PRELID2: variants seen among roughly 807,000 people sequenced by gnomAD.
The protein encoded by PRELID2 is PRELI domain-containing protein 2.
Under a neutral mutation model 28.4 loss-of-function variants are expected in PRELID2, and 25 were observed. The observed-to-expected ratio is 0.88, with a 90% CI of 0.64 to 1.23. The LOEUF (loss-of-function observed/expected upper bound fraction) is 1.23, where lower values mean the gene tolerates loss of function less well. PRELID2 is among the 50% of genes most tolerant of loss of function. PRELID2 has a pLI of 0.00. For synonymous variants in PRELID2, 76 were observed against 71.6 expected (o/e 1.06, Z -0.31); for missense variants, 201 against 214.4 (o/e 0.94, Z 0.39).
chr5:145,620,943 T>G (rs1753766218), intron 1 of PRELID2, among the ~76,000 whole-genome samples: 1 of 152,174 alleles, frequency 6.6e-6, no homozygotes, highest in South Asian at 2.1e-4. Context: ...AGAAGACATC[T>G]GAATAACATC....
At chr5:145,701,113 G>T (rs142085593) in intron 1 of PRELID2, among the ~76,000 whole-genome samples, 1 of 152,176 alleles carries the variant, frequency 6.6e-6, no homozygotes, top group Non-Finnish European at 1.5e-5. Context: ...AGAGAGAAGA[G>T]TACTTTTTGA....
chr5:145,820,379 G>A (rs1754694889), intron 2 of PRELID2, among the ~76,000 whole-genome samples: 1 of 152,140 alleles, frequency 6.6e-6, no homozygotes. Context: ...CAGTAACTCA[G>A]AATGCACACT....
intron 1 of PRELID2, among the ~76,000 whole-genome samples, chr5:145,690,755 T>C (rs1044119416): frequency 3.3e-5 from 5 of 152,154 alleles, no homozygotes; most frequent in South Asian, 2.1e-4. Flanking sequence ...CAAAAAGATA[T>C]AGCCCCTGTT....
At position 145,629,867 on chromosome 5, in the gene PRELID2, T is replaced by C. The variant is rs114554802; in HGVS notation, n.70+135064A>G. 3.5e-3 allele frequency among the ~76,000 whole-genome samples: 528 copies of C among 151,008 alleles called. 1 individual carries two copies. The highest frequency in any genetic ancestry group is 0.027 in the Middle Eastern group (8 of 294). On this transcript the variant is annotated intron_variant and non_coding_transcript_variant, in intron 1 of 2. Transcript: ENST00000510259. The stretch of plus-strand genomic sequence containing the variant: ...CTTTGAAATGAAAACCCCTATGAAC[T>C]ATAGGTATTGTCTGGAAAACACAGC...
chr5:145,249,949 C>G, the PRELID2 span, among the ~76,000 whole-genome samples: 1 of 150,524 alleles, frequency 6.6e-6, no homozygotes, highest in Middle Eastern at 3.4e-3. Flanking sequence ...CTCTCTCTCT[C>G]TCTCTCTCTC....
At chr5:145,491,019 T>C (rs1005513502) in intron 1 of PRELID2, among the ~76,000 whole-genome samples, 1 of 151,986 alleles carries the variant, frequency 6.6e-6, no homozygotes, top group African/African-American at 2.4e-5. Context: ...CTGTATCTCC[T>C]ATATTTTGAA....
At chr5:145,270,753 A>G in the PRELID2 span, among the ~76,000 whole-genome samples, 4 of 152,158 alleles carry the variant, frequency 2.6e-5, no homozygotes, top group Non-Finnish European at 4.4e-5. Flanking sequence ...TGTGTTATGT[A>G]GAACTGTAAA....
At chr5:145,576,769 T>A (rs188779631) in intron 1 of PRELID2, among the ~76,000 whole-genome samples, 1 of 152,210 alleles carries the variant, frequency 6.6e-6, no homozygotes, top group African/African-American at 2.4e-5. Flanking sequence ...ATAATTCTAG[T>A]TAACAGCAAT....
chr5:145,281,194 G>T, the PRELID2 span, among the ~76,000 whole-genome samples: 1 of 152,092 alleles, frequency 6.6e-6, no homozygotes, highest in African/African-American at 2.4e-5. Flanking sequence ...GTGGGCTTCT[G>T]CTAGGTCCAA....
the PRELID2 span, among the ~76,000 whole-genome samples, chr5:145,398,999 G>A: frequency 1.3e-5 from 2 of 152,148 alleles, no homozygotes; most frequent in Non-Finnish European, 1.5e-5. Flanking sequence ...TTCTGGAGAT[G>A]TGCCTGGGAT....
chr5:145,294,490 G>C, the PRELID2 span, among the ~76,000 whole-genome samples: 1 of 152,092 alleles, frequency 6.6e-6, no homozygotes, highest in Non-Finnish European at 1.5e-5. Flanking sequence ...TGTAGAAACA[G>C]TTCTACAATT....
chr5:145,492,312 A>G (rs1001922539), intron 1 of PRELID2, among the ~76,000 whole-genome samples: 1 of 152,094 alleles, frequency 6.6e-6, no homozygotes, highest in African/African-American at 2.4e-5. Flanking sequence ...CCTGTTGGCC[A>G]TTTATATGTC....
At chr5:145,314,427 A>T in the PRELID2 span, among the ~76,000 whole-genome samples, 1 of 152,182 alleles carries the variant, frequency 6.6e-6, no homozygotes, top group African/African-American at 2.4e-5. Context: ...AGTCTGTTTC[A>T]ATTGTACTAG....
intron 1 of PRELID2, among the ~76,000 whole-genome samples, chr5:145,729,775 C>G (rs534397839): frequency 3.9e-5 from 6 of 152,076 alleles, no homozygotes; most frequent in Non-Finnish European, 5.9e-5. Flanking sequence ...AACACCAGGT[C>G]GTGGGGGCAA....
the PRELID2 span, among the ~76,000 whole-genome samples, chr5:145,421,411 G>GCCTGTAATAACAGCT: frequency 6.7e-6 from 1 of 150,252 alleles, no homozygotes; most frequent in Non-Finnish European, 1.5e-5. Context: ...CAATTTCAGA[G>GCCTGTAATAACAGCT]CCTGTTATTG....
At chr5:145,673,476 A>AAAAGG (rs1270030912) in intron 1 of PRELID2, among the ~76,000 whole-genome samples, 5 of 141,206 alleles carry the variant, frequency 3.5e-5, no homozygotes, top group Admixed American at 2.8e-4. Context: ...ACCAAGAAGA[A>AAAAGG]AAAGGAAAGA....
At chr5:145,346,916 A>T in the PRELID2 span, among the ~76,000 whole-genome samples, 2 of 152,166 alleles carry the variant, frequency 1.3e-5, no homozygotes, top group South Asian at 4.1e-4. Flanking sequence ...TGAGCATCCT[A>T]GACTATGGTC....
the PRELID2 span, among the ~76,000 whole-genome samples, chr5:145,394,053 C>T: frequency 1.3e-5 from 2 of 152,094 alleles, no homozygotes; most frequent in Admixed American, 1.3e-4. Flanking sequence ...ACTAGAAATA[C>T]CATTTGACCC....
At chr5:145,477,321 A>G (rs931648303) in intron 1 of PRELID2, among the ~76,000 whole-genome samples, 1 of 152,206 alleles carries the variant, frequency 6.6e-6, no homozygotes, top group East Asian at 1.9e-4. Context: ...TTCTCAAGCA[A>G]GGTCTCTCCT....
Sources: gnomAD v4.1 joint callset for allele counts (sites outside exome capture counted in the v4.1 genomes callset) on GRCh38, gnomAD v4.1.1 for gene constraint, MANE v1.5 for transcripts, NCBI Gene and HGNC (gene_info 2026-07-23, HGNC 2026-07-21) for gene names.